The following CCDC171 variants were observed in gnomAD, a reference collection of about 807,000 sequenced individuals.
CCDC171 encodes coiled-coil domain-containing protein 171.
CCDC171 carries 177 observed loss-of-function variants against 168.2 expected under a neutral mutation model. That is an observed-to-expected ratio of 1.05 (90% confidence interval 0.93 to 1.19). CCDC171 has a LOEUF of 1.19. Among genes scored for constraint, CCDC171 ranks in the 50% most tolerant of loss-of-function variants. CCDC171 has a pLI of 0.00. For synonymous variants in CCDC171, 687 were observed against 540.8 expected, an observed-to-expected ratio of 1.27 and a Z score of -3.75; for missense variants, 1,991 against 1,539.0, an observed-to-expected ratio of 1.29 and a Z score of -4.91.
At chr9:15,556,964 G>T (rs1586932584) in intron 1 of CCDC171, among the ~76,000 whole-genome samples, 1 of 152,146 alleles carries the variant, frequency 6.6e-6, no homozygotes, top group Admixed American at 6.5e-5. Context: ...CATATGGCTA[G>T]CCAGTTTTCC....
intron 10 of CCDC171, among the ~76,000 whole-genome samples, chr9:15,691,750 C>T (rs1320024657): frequency 6.6e-6 from 1 of 151,956 alleles, no homozygotes; most frequent in African/African-American, 2.4e-5. Context: ...CAATGATGCT[C>T]ACTGCAGCTT....
intron 21 of CCDC171, among the ~76,000 whole-genome samples, chr9:15,806,011 C>G (rs191498776): frequency 6.6e-6 from 1 of 151,840 alleles, no homozygotes; most frequent in East Asian, 1.9e-4. Context: ...CTTTTTTGAT[C>G]TTTGTTAGTC....
intron 24 of CCDC171, among the ~76,000 whole-genome samples, chr9:15,885,253 T>G (rs1588989721): frequency 6.6e-6 from 1 of 152,156 alleles, no homozygotes; most frequent in African/African-American, 2.4e-5. Flanking sequence ...TACAGAATTT[T>G]GTTTTTTGTT....
At chr9:15,674,459 C>T (rs1587885515) in intron 9 of CCDC171, among the ~76,000 whole-genome samples, 3 of 152,158 alleles carry the variant, frequency 2.0e-5, no homozygotes, top group South Asian at 2.1e-4. Context: ...GTTAGGGTGT[C>T]GATTGTAGAT....
chr9:15,596,450 G>A (rs1469621692), intron 6 of CCDC171, among the ~76,000 whole-genome samples: 1 of 152,154 alleles, frequency 6.6e-6, no homozygotes, highest in Non-Finnish European at 1.5e-5. Flanking sequence ...AGATCAGATG[G>A]TTGTAGATGT....
At chr9:15,688,050 C>T (rs180866802) in intron 10 of CCDC171, among the ~76,000 whole-genome samples, 32 of 143,094 alleles carry the variant, frequency 2.2e-4, no homozygotes, top group African/African-American at 6.8e-4. Flanking sequence ...ACCTGGGAGG[C>T]GGAGGTTGTG....
At chr9:16,084,180 A>G in the CCDC171 span, among the ~76,000 whole-genome samples, 5 of 152,182 alleles carry the variant, frequency 3.3e-5, no homozygotes, top group African/African-American at 1.2e-4. Context: ...TAAATTGCGG[A>G]AACAGTTATC....
intron 18 of CCDC171, among the ~76,000 whole-genome samples, chr9:15,765,702 A>C (rs56754898): frequency 2.0e-5 from 3 of 152,206 alleles, no homozygotes; most frequent in African/African-American, 7.2e-5. Context: ...GATTAAGTTC[A>C]TCAGATGATC....
In CCDC171 at chr9:15,745,408, A is replaced by G; in HGVS notation, c.2555-107A>G. On this transcript the variant is annotated intron_variant, in intron 17 of 25. Transcript: ENST00000380701. ...TTTTCCACATTAGGCAATGTTCACA[A>G]TAGGGTTTTATCTGTTTCTTAAATA... 3 of 584,016 alleles carry G rather than the reference A, an allele frequency of 5.1e-6. 1 individual carries two copies. Among genetic ancestry groups the G allele is most frequent in the Non-Finnish European group, 2.8e-6 (1 of 351,630 alleles). 36.2% of individuals were successfully genotyped at this position (584,016 alleles called of 1,614,324 possible).
chr9:15,776,132 C>T (rs953691352), intron 18 of CCDC171: 1 of 151,956 alleles, frequency 6.6e-6, no homozygotes, highest in Non-Finnish European at 1.5e-5. Context: ...AGTTCTTTTT[C>T]ATCCATTGTT....
intron 24 of CCDC171, among the ~76,000 whole-genome samples, chr9:15,904,592 G>T (rs1239293438): frequency 2.0e-5 from 3 of 152,092 alleles, no homozygotes; most frequent in Admixed American, 6.5e-5. Context: ...AGACCATCGA[G>T]GCTAGGAAAA....
At chr9:15,703,475 T>G (rs2133914085) in intron 11 of CCDC171, among the ~76,000 whole-genome samples, 1 of 152,354 alleles carries the variant, frequency 6.6e-6, no homozygotes, top group South Asian at 2.1e-4. Context: ...AGATCAATTT[T>G]TTTTTAGCTC....
intron 4 of CCDC171, among the ~76,000 whole-genome samples, chr9:15,584,874 A>G (rs921572874): frequency 6.6e-6 from 1 of 152,236 alleles, no homozygotes; most frequent in African/African-American, 2.4e-5. Context: ...CATGACTTTC[A>G]TTTAACCATG....
intron 18 of CCDC171, among the ~76,000 whole-genome samples, chr9:15,747,097 C>T (rs2055349612): frequency 6.6e-6 from 1 of 152,178 alleles, no homozygotes; most frequent in Admixed American, 6.5e-5. Flanking sequence ...ATTGCCAAGG[C>T]TTGAGTAGGT....
At chr9:15,809,947 G>T (rs1319025381) in intron 21 of CCDC171, among the ~76,000 whole-genome samples, 1 of 152,122 alleles carries the variant, frequency 6.6e-6, no homozygotes, top group East Asian at 1.9e-4. Flanking sequence ...GTTTTACAGA[G>T]AGCTGATTGG....
chr9:15,990,983 T>G (rs894125065), intron 3 of CCDC171, among the ~76,000 whole-genome samples: 1 of 152,146 alleles, frequency 6.6e-6, no homozygotes, highest in Non-Finnish European at 1.5e-5. Context: ...AATGGGAGAC[T>G]TTAACACCCC....
At chr9:15,791,393 G>C (rs2096119) in intron 21 of CCDC171, among the ~76,000 whole-genome samples, 143,326 of 152,030 alleles carry the variant, frequency 0.94, 67,630 homozygotes, top group East Asian at 1. Context: ...ATTTGGCTCT[G>C]TGTTTTTCTT....
rs142515990 is a variant in CCDC171, at chr9:15,863,660, T to G, written c.3469-10872T>G. ...TTCCTTGTACATGGTTTTCTATAAC[T>G]TTATATGCACATTTAAAATAATTGA... On this transcript the variant is annotated intron_variant, in intron 23 of 25. Coordinates refer to ENST00000380701, the MANE Select transcript of CCDC171 (RefSeq NM_173550.4). Among the ~76,000 whole-genome samples, 271 of 152,206 alleles carry G rather than the reference T, an allele frequency of 1.8e-3. 2 individuals carry two copies. The highest frequency in any genetic ancestry group is 6.1e-3 in the African/African-American group (253 of 41,568).
At chr9:15,599,650 T>A (rs2042673234) in intron 6 of CCDC171, among the ~76,000 whole-genome samples, 1 of 152,040 alleles carries the variant, frequency 6.6e-6, no homozygotes, top group Non-Finnish European at 1.5e-5. Context: ...TTTCGAGGAG[T>A]ATCTTTGTGG....
Sources: allele counts gnomAD v4.1 joint callset (sites outside exome capture counted in the v4.1 genomes callset), GRCh38; gene constraint gnomAD v4.1.1; transcripts MANE v1.5; gene names NCBI Gene and HGNC (gene_info 2026-07-23, HGNC 2026-07-21).